PRR16: variants seen among roughly 807,000 people sequenced by gnomAD.
PRR16 encodes protein Largen.
In PRR16, 6 loss-of-function variants were observed where a neutral mutation model predicts 18.2. That is an observed-to-expected ratio of 0.33 (90% CI 0.18 to 0.65). The LOEUF (loss-of-function observed/expected upper bound fraction) is 0.65. PRR16 is among the 30% of genes least tolerant of loss of function. The pLI, the probability that PRR16 is intolerant of heterozygous loss-of-function variation, is 0.74. For synonymous variants in PRR16, 151 were observed against 147.8 expected (o/e 1.02, Z -0.16); for missense variants, 412 against 376.6 (o/e 1.09, Z -0.78).
At chr5:120,591,602 T>A (rs1271104289) in intron 1 of PRR16, among the ~76,000 whole-genome samples, 2 of 151,970 alleles carry the variant, frequency 1.3e-5, no homozygotes, top group African/African-American at 4.8e-5. Context: ...ATAACTGCTT[T>A]TGTGGTTTTA....
intron 1 of PRR16, among the ~76,000 whole-genome samples, chr5:120,589,191 T>C (rs1384601321): frequency 6.6e-6 from 1 of 152,172 alleles, no homozygotes; most frequent in Non-Finnish European, 1.5e-5. Flanking sequence ...GATTTTTTAC[T>C]ATCTAATTTA....
chr5:120,581,996 A>G (rs1753287666), intron 1 of PRR16, among the ~76,000 whole-genome samples: 1 of 152,062 alleles, frequency 6.6e-6, no homozygotes, highest in African/African-American at 2.4e-5. Context: ...TAAAAAGGAC[A>G]CCTGCAATGG....
the PRR16 span, among the ~76,000 whole-genome samples, chr5:120,752,797 A>C: frequency 1.4e-4 from 22 of 152,100 alleles, no homozygotes; most frequent in African/African-American, 4.8e-4. Context: ...ATAGTTATTT[A>C]GCTTAGTCAG....
At chr5:120,588,808 C>A (rs1753536928) in intron 1 of PRR16, among the ~76,000 whole-genome samples, 1 of 151,298 alleles carries the variant, frequency 6.6e-6, no homozygotes, top group Non-Finnish European at 1.5e-5. Context: ...ATGCTCTTAA[C>A]CCGGAATAAA....
In PRR16 at chr5:120,670,008, A is replaced by G. The variant is rs556586614; in HGVS notation, c.160-15946A>G. On this transcript the variant is annotated intron_variant, in intron 1 of 1. Transcript: ENST00000407149. Reference sequence around the variant, plus strand: ...TGTTATAATGCATAAAATAAACAATACTTTTATTCTGACCATAAGCAAAAT... The same window carrying G: ...TGTTATAATGCATAAAATAAACAATGCTTTTATTCTGACCATAAGCAAAAT... Among the ~76,000 whole-genome samples the G allele has an allele frequency of 2.0e-5, 3 of 152,234 alleles. No individual in the cohort carries two copies. The South Asian group carries it at 6.2e-4, about 32-fold the overall frequency.
chr5:120,675,258 G>A (rs1429483715), intron 1 of PRR16, among the ~76,000 whole-genome samples: 2 of 152,168 alleles, frequency 1.3e-5, no homozygotes, highest in Non-Finnish European at 2.9e-5. Context: ...TTTATTCGGA[G>A]CTGCTGTTAA....
the PRR16 span, among the ~76,000 whole-genome samples, chr5:120,765,008 G>A: frequency 6.6e-6 from 1 of 151,930 alleles, no homozygotes; most frequent in Non-Finnish European, 1.5e-5. Flanking sequence ...TACCTCCTGA[G>A]TGCTTTATTC....
chr5:120,638,481 G>A (rs1326067998), intron 1 of PRR16, among the ~76,000 whole-genome samples: 1 of 152,042 alleles, frequency 6.6e-6, no homozygotes, highest in Non-Finnish European at 1.5e-5. Context: ...TGTGAACCAG[G>A]CACTGTTTGA....
the PRR16 span, among the ~76,000 whole-genome samples, chr5:120,783,533 C>G: frequency 6.6e-6 from 1 of 151,894 alleles, no homozygotes; most frequent in East Asian, 1.9e-4. Flanking sequence ...TTTTTTCAAA[C>G]TGGTAATATG....
At chr5:120,633,880 G>T (rs1238579317) in intron 1 of PRR16, among the ~76,000 whole-genome samples, 2 of 151,880 alleles carry the variant, frequency 1.3e-5, no homozygotes, top group Non-Finnish European at 2.9e-5. Flanking sequence ...GCACTAGATA[G>T]GTCATCAAGA....
intron 1 of PRR16, among the ~76,000 whole-genome samples, chr5:120,603,205 G>A (rs749362032): frequency 1.3e-5 from 2 of 151,982 alleles, no homozygotes; most frequent in African/African-American, 2.4e-5. Context: ...ACATTTCCTG[G>A]TTGGTAGGTT....
the PRR16 span, among the ~76,000 whole-genome samples, chr5:120,693,491 C>T: frequency 1.3e-3 from 192 of 152,310 alleles, no homozygotes; most frequent in African/African-American, 4.2e-3. Flanking sequence ...TGAGGCAAAA[C>T]GGATATGCAA....
At chr5:120,477,258 C>T (rs1000549772) in intron 1 of PRR16, among the ~76,000 whole-genome samples, 5 of 152,104 alleles carry the variant, frequency 3.3e-5, no homozygotes, top group Non-Finnish European at 4.4e-5. Flanking sequence ...AGTCTACTCC[C>T]TATCTCTACT....
chr5:120,476,072 T>A (rs1162502082), intron 1 of PRR16, among the ~76,000 whole-genome samples: 1 of 152,146 alleles, frequency 6.6e-6, no homozygotes, highest in Non-Finnish European at 1.5e-5. Flanking sequence ...ATAGATGGTG[T>A]TTTAATAGCC....
At chr5:120,624,281 G>A (rs895786369) in intron 1 of PRR16, among the ~76,000 whole-genome samples, 10 of 152,112 alleles carry the variant, frequency 6.6e-5, no homozygotes, top group East Asian at 1.9e-4. Flanking sequence ...AGATGAAACC[G>A]AAAGTAAGAT....
chr5:120,691,223 G>A (rs1244049572), downstream of PRR16, among the ~76,000 whole-genome samples: 1 of 152,090 alleles, frequency 6.6e-6, no homozygotes, highest in Non-Finnish European at 1.5e-5. Flanking sequence ...CCACAATATC[G>A]CCACTTAATT....
chr5:120,720,359 C>G, the PRR16 span, among the ~76,000 whole-genome samples: 1 of 151,866 alleles, frequency 6.6e-6, no homozygotes, highest in Non-Finnish European at 1.5e-5. Flanking sequence ...CCTTTTGACC[C>G]ATTACCATCT....
intron 1 of PRR16, among the ~76,000 whole-genome samples, chr5:120,496,795 T>A (rs1750259547): frequency 6.6e-6 from 1 of 151,962 alleles, no homozygotes; most frequent in Non-Finnish European, 1.5e-5. Flanking sequence ...ATGCTTAGAT[T>A]ATTGATTTTA....
the PRR16 span, among the ~76,000 whole-genome samples, chr5:120,702,901 G>C: frequency 6.6e-6 from 1 of 152,180 alleles, no homozygotes; most frequent in Non-Finnish European, 1.5e-5. Flanking sequence ...GCAAAGAACA[G>C]GAGGACAGGG....
Sources: gnomAD v4.1 joint callset for allele counts (sites outside exome capture counted in the v4.1 genomes callset) on GRCh38, gnomAD v4.1.1 for gene constraint, MANE v1.5 for transcripts, NCBI Gene and HGNC (gene_info 2026-07-23, HGNC 2026-07-21) for gene names.